CNBD1: variants seen among roughly 807,000 people sequenced by gnomAD.
CNBD1 encodes the protein cyclic nucleotide binding domain containing 1.
A neutral mutation model predicts 54.4 loss-of-function variants in CNBD1; 71 were observed. That is an observed-to-expected ratio of 1.30 (90% CI 1.08 to 1.59). The LOEUF is 1.59. CNBD1 is among the 40% of genes most tolerant of loss of function. The probability of loss-of-function intolerance (pLI) is 0.00; values close to 1 mark genes in which losing one functional copy is unlikely to be tolerated. For missense variants in CNBD1, 659 were observed against 518.0 expected, an observed-to-expected ratio of 1.27 and a Z score of -2.64; for synonymous variants, 182 against 170.7, an observed-to-expected ratio of 1.07 and a Z score of -0.51.
At chr8:86,993,031 A>T (rs927673606) in intron 4 of CNBD1, among the ~76,000 whole-genome samples, 1 of 152,226 alleles carries the variant, frequency 6.6e-6, no homozygotes, top group Non-Finnish European at 1.5e-5. Context: ...TTCATGGACC[A>T]TGTCTTCAAA....
At chr8:87,345,656 T>A (rs538895825) in intron 8 of CNBD1, among the ~76,000 whole-genome samples, 2 of 152,302 alleles carry the variant, frequency 1.3e-5, no homozygotes, top group Non-Finnish European at 2.9e-5. Flanking sequence ...GTGTCAGAAT[T>A]GTAGATTCGA....
At chr8:87,413,504 G>A (rs1430294812) in intron 2 of CNBD1, among the ~76,000 whole-genome samples, 1 of 152,020 alleles carries the variant, frequency 6.6e-6, no homozygotes, top group African/African-American at 2.4e-5. Context: ...AGGCAAAAAT[G>A]CTTAAGATAT....
chr8:87,078,373 C>A (rs1000676905), intron 4 of CNBD1, among the ~76,000 whole-genome samples: 5 of 152,122 alleles, frequency 3.3e-5, no homozygotes, highest in African/African-American at 1.2e-4. Flanking sequence ...GTGAATGTTG[C>A]TAGTTTTATT....
At chr8:87,387,130 G>T (rs1050394560), downstream of CNBD1, among the ~76,000 whole-genome samples, 1 of 152,124 alleles carries the variant, frequency 6.6e-6, no homozygotes, top group South Asian at 2.1e-4. Flanking sequence ...AGGAACAACC[G>T]GTACCAGCCA....
chr8:86,919,369 C>A (rs1405071306), intron 3 of CNBD1, among the ~76,000 whole-genome samples: 1 of 152,122 alleles, frequency 6.6e-6, no homozygotes, highest in Non-Finnish European at 1.5e-5. Context: ...CCCCAACCAG[C>A]CATGTGAGCA....
intron 6 of CNBD1, among the ~76,000 whole-genome samples, chr8:87,253,128 C>T (rs965489087): frequency 7.9e-5 from 12 of 152,112 alleles, no homozygotes; most frequent in Non-Finnish European, 1.5e-5. Context: ...TAAGCTAAAA[C>T]AGCCAAGCCA....
intron 10 of CNBD1, among the ~76,000 whole-genome samples, chr8:87,361,077 C>T (rs952441713): frequency 2.0e-4 from 30 of 151,988 alleles, no homozygotes; most frequent in African/African-American, 7.2e-4. Context: ...CAGTTTGCCA[C>T]AGGGAATACA....
At chr8:87,329,508 A>T (rs1809769583) in intron 8 of CNBD1, among the ~76,000 whole-genome samples, 1 of 152,058 alleles carries the variant, frequency 6.6e-6, no homozygotes, top group Non-Finnish European at 1.5e-5. Context: ...TAATATCTTA[A>T]AATATTGGAG....
chr8:87,405,619 G>T (rs1183345889), intron 2 of CNBD1, among the ~76,000 whole-genome samples: 2 of 152,018 alleles, frequency 1.3e-5, no homozygotes, highest in Non-Finnish European at 2.9e-5. Context: ...AACTACAAGG[G>T]TGATGGTCTG....
intron 4 of CNBD1, among the ~76,000 whole-genome samples, chr8:87,159,373 G>C (rs1310434695): frequency 6.6e-6 from 1 of 152,070 alleles, no homozygotes; most frequent in Non-Finnish European, 1.5e-5. Flanking sequence ...GGCTGATTCA[G>C]ATATTCTTCT....
intron 2 of CNBD1, among the ~76,000 whole-genome samples, chr8:86,888,321 A>C (rs938815854): frequency 6.6e-6 from 1 of 152,102 alleles, no homozygotes; most frequent in African/African-American, 2.4e-5. Flanking sequence ...AGAGAGAAGA[A>C]GGCATGCAAC....
At position 86,957,257 on chromosome 8, in the gene CNBD1, G is replaced by A. The variant is rs547013189; in HGVS notation, c.431+17503G>A. On this transcript the variant is annotated intron_variant, in intron 4 of 10. Transcript: ENST00000518476. ...GTATTTTACTGAAGATTTTTGCATC[G>A]ATGTTCATCAGGGATATTGATCTAA... Among the ~76,000 whole-genome samples, 150 of 152,206 alleles carry A rather than the reference G, an allele frequency of 9.9e-4. 1 individual carries two copies. The highest frequency in any genetic ancestry group is 2.8e-4 in the Non-Finnish European group (19 of 68,012).
chr8:86,993,793 G>A (rs1808808321), intron 4 of CNBD1, among the ~76,000 whole-genome samples: 1 of 152,222 alleles, frequency 6.6e-6, no homozygotes, highest in African/African-American at 2.4e-5. Context: ...CCAGCAGATA[G>A]GCTGTTATTC....
chr8:87,223,690 C>T (rs1426676499), intron 5 of CNBD1, among the ~76,000 whole-genome samples: 10 of 151,894 alleles, frequency 6.6e-5, no homozygotes, highest in Admixed American at 3.9e-4. Context: ...TGAATAATGC[C>T]GCAATAAACA....
chr8:86,976,039 C>T (rs1378193676), intron 4 of CNBD1, among the ~76,000 whole-genome samples: 2 of 151,622 alleles, frequency 1.3e-5, no homozygotes, highest in African/African-American at 2.4e-5. Context: ...TGAAAAATGT[C>T]TATCCCAGTC....
chr8:87,310,630 C>T (rs755734554), intron 8 of CNBD1, among the ~76,000 whole-genome samples: 1 of 151,888 alleles, frequency 6.6e-6, no homozygotes, highest in African/African-American at 2.4e-5. Context: ...TTGAAATAAG[C>T]GATTCTAAAA....
intron 7 of CNBD1, among the ~76,000 whole-genome samples, chr8:87,285,504 G>A (rs11787018): frequency 0.28 from 41,944 of 152,014 alleles, 6,142 homozygotes; most frequent in African/African-American, 0.37. Context: ...TTGGGAGGCC[G>A]AGGAGGGTGT....
chr8:87,407,834 T>C (rs960385247), intron 2 of CNBD1, among the ~76,000 whole-genome samples: 2 of 152,200 alleles, frequency 1.3e-5, no homozygotes, highest in East Asian at 3.9e-4. Context: ...ATTTGAATAA[T>C]GACTGCTTTG....
At chr8:87,276,206 C>T (rs184452550) in intron 6 of CNBD1, among the ~76,000 whole-genome samples, 2 of 151,870 alleles carry the variant, frequency 1.3e-5, no homozygotes, top group African/African-American at 4.8e-5. Context: ...TAATGTCTTC[C>T]TATCTATATG....
Sources: gnomAD v4.1 joint callset for allele counts (sites outside exome capture counted in the v4.1 genomes callset) on GRCh38, gnomAD v4.1.1 for gene constraint, MANE v1.5 for transcripts, NCBI Gene and HGNC (gene_info 2026-07-23, HGNC 2026-07-21) for gene names.